The following BLCAP variants were observed in gnomAD, a reference collection of about 807,000 sequenced individuals.
BLCAP encodes the protein BLCAP apoptosis inducing factor, also known as apoptosis inducing factor BLCAP.
Under a neutral mutation model 5.7 loss-of-function variants are expected in BLCAP, and 1 was observed. The ratio of observed to expected loss-of-function variants is 0.18; its 90% CI spans 0.06 to 0.83. The LOEUF is 0.83. BLCAP is among the 40% of genes least tolerant of loss of function. The pLI, the probability that BLCAP is intolerant of heterozygous loss-of-function variation, is 0.71. For missense variants in BLCAP, 66 were observed against 107.6 expected (o/e 0.61, Z 1.71); for synonymous variants, 48 against 49.4 (o/e 0.97, Z 0.11).
Position 37,518,320 on chromosome 20 carries a change from G to T in BLCAP, c.*591C>A. The T allele has an allele frequency of 6.6e-6, 1 of 152,526 alleles. No individual in the cohort carries two copies. The allele number at this position is 152,526 out of a possible 1,614,324, so 9.4% of individuals were successfully genotyped here. ...AGATTTGTGGACAACTAACAGTCAAGACATGTTTCTGTCTAGCCTGCTGAA... is the reference window on the plus strand; with the variant it reads ...AGATTTGTGGACAACTAACAGTCAATACATGTTTCTGTCTAGCCTGCTGAA... On this transcript the variant is annotated 3_prime_UTR_variant, in exon 2 of 2. Coordinates refer to ENST00000373537, the MANE Select transcript of BLCAP (RefSeq NM_006698.4).
intron 1 of BLCAP, among the ~76,000 whole-genome samples, chr20:37,526,271 T>TCCCCCCCCCCCCCCCCCCCCCCCCCCCC (rs11477433): frequency 1.6e-5 from 2 of 125,184 alleles, no homozygotes; most frequent in Admixed American, 8.5e-5. Context: ...GCAGTTAACT[T>TCCCCCCCCCCCCCCCCCCCCCCCCCCCC]CCCCCCCCCA....
rs1418752830 is a variant in BLCAP at position 37,517,866 on chromosome 20, T to C, written c.*1045A>G. On this transcript the variant is annotated 3_prime_UTR_variant, in exon 2 of 2. Coordinates refer to ENST00000373537, the MANE Select transcript of BLCAP (RefSeq NM_006698.4). The stretch of plus-strand genomic sequence containing the variant: ...TGTGCTGGTCACTCTGCAATCCCCA[T>C]GCTAAATAAAAACTGTAGCGGCACC... The C allele has an allele frequency of 5.2e-5, 8 of 152,638 alleles. No homozygotes were observed. Among genetic ancestry groups the C allele is most frequent in the Non-Finnish European group, 8.8e-5 (6 of 68,052 alleles). 9.5% of individuals were successfully genotyped at this position (152,638 alleles called of 1,614,324 possible). A position where few individuals can be genotyped will look rare whatever the true frequency, so the allele number is the denominator to read the frequency against.
chr20:37,520,331 G>C (rs1051062892), intron 1 of BLCAP: 1 of 152,250 alleles, frequency 6.6e-6, no homozygotes, highest in Non-Finnish European at 1.5e-5. Flanking sequence ...TTGGAAACGG[G>C]GCTGCGGTAG....
rs1434492680 is a variant in BLCAP, at chr20:37,518,784, CAAAA to C, written c.*123_*126del. ...ATTGTAAGGATAAAACATCACAGGC[CAAAA>C]AGGCGCCGTCAGGAATGTGACACCC... On this transcript the variant is annotated 3_prime_UTR_variant, in exon 2 of 2. Transcript: ENST00000373537. The C allele has an allele frequency of 1.3e-4, 179 of 1,367,164 alleles. 1 individual carries two copies. In the Middle Eastern group the frequency reaches 1.5e-3, roughly 11 times the overall value. 84.7% of individuals were successfully genotyped at this position (1,367,164 alleles called of 1,614,324 possible). A position where few individuals can be genotyped will look rare whatever the true frequency, so the allele number is the denominator to read the frequency against.
In BLCAP at chr20:37,521,828, A is replaced by G. The variant is rs915975822; in HGVS notation, c.-176-2478T>C. On this transcript the variant is annotated intron_variant, in intron 1 of 1. Transcript: ENST00000373537. The surrounding 1 kb of genome is among the most constrained non-coding windows in gnomAD (Gnocchi z 4.5). ...TTGCGGAGAAATTTTATTTAAAAAA[A>G]CATATAGCGCTTGCGGGGGTGGAAC... 2 of 162,836 alleles carry G rather than the reference A, an allele frequency of 1.2e-5. No individual in the cohort carries two copies. The highest frequency in any genetic ancestry group is 2.4e-5 in the African/African-American group (1 of 41,874). The allele number at this position is 162,836 out of a possible 1,614,324, so 10.1% of individuals were successfully genotyped here.
chr20:37,522,669 G>T, intron 1 of BLCAP: 1 of 1,611,018 alleles, frequency 6.2e-7, no homozygotes, highest in South Asian at 1.1e-5. Flanking sequence ...CGTCGCAGGT[G>T]TTCAGGTACT....
Position 37,519,139 on chromosome 20 carries a change from G to T in BLCAP, c.36C>A (p.Leu12=). 6.2e-7 allele frequency: 1 copy of T among 1,602,642 alleles called. No individual in the cohort carries two copies. The highest frequency in any genetic ancestry group is 2.2e-5 in the East Asian group (1 of 44,486). Residue 12 remains leucine, a synonymous_variant, in exon 2 of 2, where the codon CTC becomes CTA. Coordinates refer to ENST00000373537, the MANE Select transcript of BLCAP (RefSeq NM_006698.4). ...YCLQWLLPVL[L]IPKPLNPALW... ...GGGCGGGGTTGAGGGGCTTGGGGATGAGGAGGACGGGCAGCAGCCACTGGA... is the reference window on the plus strand; with the variant it reads ...GGGCGGGGTTGAGGGGCTTGGGGATTAGGAGGACGGGCAGCAGCCACTGGA...
In BLCAP at chr20:37,521,281, G is replaced by A. The variant is rs771682980; in HGVS notation, c.-176-1931C>T. 6 of 1,576,650 alleles carry A rather than the reference G, an allele frequency of 3.8e-6. No individual in the cohort carries two copies. The South Asian group carries it at 6.6e-5, about 17-fold the overall frequency. On this transcript the variant is annotated intron_variant, in intron 1 of 1. Transcript: ENST00000373537. The surrounding 1 kb of genome is among the most constrained non-coding windows in gnomAD (Gnocchi z 4.5). ...CCCAACAGCGGACTCCGAGACCAGC[G>A]GATCTCGGCAAACCCTCTTTCTCGA... is the stretch of plus-strand genomic sequence containing the variant.
Position 37,519,020 on chromosome 20 carries a change from G to T in BLCAP, c.155C>A (p.Ala52Glu). Residue 52 changes from alanine (A) to glutamate (E), a missense_variant, in exon 2 of 2, where the codon GCA becomes GAA. Transcript: ENST00000373537. ...GCTATAGCAGATAAGGAACAGGGCT[G>T]CCAGGAAAACCAAGGCACAAATTGT... Reference protein sequence around the residue: ...PCTICALVFLAALFLICYSCW... With the variant: ...PCTICALVFLEALFLICYSCW... The T allele has an allele frequency of 6.2e-7, 1 of 1,614,212 alleles. No homozygotes were observed. Among genetic ancestry groups the T allele is most frequent in the Non-Finnish European group, 8.5e-7 (1 of 1,180,038 alleles).
intron 1 of BLCAP, among the ~76,000 whole-genome samples, chr20:37,525,119 C>T (rs1247761437): frequency 6.6e-6 from 1 of 152,206 alleles, no homozygotes; most frequent in Admixed American, 6.5e-5. Flanking sequence ...CACACCTCCT[C>T]CCTTCTGAAC....
At chr20:37,519,997 C>A (rs367727763) in intron 1 of BLCAP, among the ~76,000 whole-genome samples, 1 of 152,266 alleles carries the variant, frequency 6.6e-6, no homozygotes, top group Non-Finnish European at 1.5e-5. Context: ...AATCTGCCAA[C>A]TTCTCCGAAA....
In BLCAP at chr20:37,524,036, TG is replaced by T. The variant is rs1182179462; in HGVS notation, c.-177+3756del. 3.9e-5 allele frequency among the ~76,000 whole-genome samples: 6 copies of T among 152,054 alleles called. 1 individual carries two copies. Among genetic ancestry groups the T allele is most frequent in the African/African-American group, 1.4e-4 (6 of 41,394 alleles). On this transcript the variant is annotated intron_variant, in intron 1 of 1. Coordinates refer to ENST00000373537, the MANE Select transcript of BLCAP (RefSeq NM_006698.4). ...GAAAGATGAGAGGAGGGGAAAAAGGTGGGAGTAGCCCTCCAAAGAGGTACTA... is the reference window on the plus strand; with the variant it reads ...GAAAGATGAGAGGAGGGGAAAAAGGTGGAGTAGCCCTCCAAAGAGGTACTA...
rs73621695 is a variant in BLCAP at position 37,521,186 on chromosome 20, C to CA, written c.-176-1837dup. 1 of 780,288 alleles carries CA rather than the reference C, an allele frequency of 1.3e-6. No homozygotes were observed. The highest frequency in any genetic ancestry group is 1.7e-5 in the African/African-American group (1 of 58,468). 48.3% of individuals were successfully genotyped at this position (780,288 alleles called of 1,614,324 possible). A position where few individuals can be genotyped will look rare whatever the true frequency, so the allele number is the denominator to read the frequency against. ...GCCACCCCTCCTCATAAACACCCCC[C>CA]AAGGCGCGCATGCGCACTTAGGTGG... On this transcript the variant is annotated intron_variant, in intron 1 of 1. Transcript: ENST00000373537. The surrounding 1 kb of genome is among the most constrained non-coding windows in gnomAD (Gnocchi z 4.5).
rs866230599 is a variant in BLCAP, at chr20:37,521,186, C to A, written c.-176-1836G>T. On this transcript the variant is annotated intron_variant, in intron 1 of 1. Coordinates refer to ENST00000373537, the MANE Select transcript of BLCAP (RefSeq NM_006698.4). This position sits in a 1 kb window ranked among gnomAD's most constrained non-coding sequence, Gnocchi z 4.5. ...GCCACCCCTCCTCATAAACACCCCCCAAGGCGCGCATGCGCACTTAGGTGG... is the reference window on the plus strand; with the variant it reads ...GCCACCCCTCCTCATAAACACCCCCAAAGGCGCGCATGCGCACTTAGGTGG... 2 of 780,288 alleles carry A rather than the reference C, an allele frequency of 2.6e-6. No individual in the cohort carries two copies. Among genetic ancestry groups the A allele is most frequent in the Middle Eastern group, 2.7e-4 (1 of 3,652 alleles). 48.3% of individuals were successfully genotyped at this position (780,288 alleles called of 1,614,324 possible).
chr20:37,526,141 C>T (rs1401773723), intron 1 of BLCAP, among the ~76,000 whole-genome samples: 1 of 152,110 alleles, frequency 6.6e-6, no homozygotes, highest in South Asian at 2.1e-4. Flanking sequence ...GTTCCTTGAG[C>T]TTGGGCAACG....
chr20:37,521,230 G>A lies in BLCAP; in HGVS notation c.-176-1880C>T. The A allele has an allele frequency of 8.0e-7, 1 of 1,245,868 alleles. No homozygotes were observed. Among genetic ancestry groups the A allele is most frequent in the Non-Finnish European group, 1.2e-6 (1 of 851,940 alleles). The allele number at this position is 1,245,868 out of a possible 1,614,324, so 77.2% of individuals were successfully genotyped here. On this transcript the variant is annotated intron_variant, in intron 1 of 1. Coordinates refer to ENST00000373537, the MANE Select transcript of BLCAP (RefSeq NM_006698.4). The surrounding 1 kb of genome is among the most constrained non-coding windows in gnomAD (Gnocchi z 4.5). ...TAGGTGGCGGGCGGGTACTTAAGGC[G>A]CGGCCACCGCGGCTGCGGCAGTGCG...
intron 1 of BLCAP, chr20:37,522,724 G>A (rs368840293): frequency 6.2e-7 from 1 of 1,611,360 alleles, no homozygotes; most frequent in Admixed American, 1.7e-5. Context: ...CGGGCGGCAG[G>A]TGTTGGGGGA....
chr20:37,524,749 T>G (rs1450449589), intron 1 of BLCAP, among the ~76,000 whole-genome samples: 2 of 152,146 alleles, frequency 1.3e-5, no homozygotes, highest in African/African-American at 4.8e-5. Context: ...CTTAGCCCAA[T>G]CACCAGCACC....
At position 37,521,385 on chromosome 20, in the gene BLCAP, C is replaced by A. The variant is rs1469619266; in HGVS notation, c.-176-2035G>T. The A allele has an allele frequency of 1.9e-6, 3 of 1,614,002 alleles. No individual in the cohort carries two copies. The highest frequency in any genetic ancestry group is 2.5e-6 in the Non-Finnish European group (3 of 1,179,978). ...AACTGCTCATCATCGGCTGGTACATCTTCCGCGTGCTGCTGCAGGTAAGTC... is the reference window on the plus strand; with the variant it reads ...AACTGCTCATCATCGGCTGGTACATATTCCGCGTGCTGCTGCAGGTAAGTC... On this transcript the variant is annotated intron_variant, in intron 1 of 1. Transcript: ENST00000373537. The surrounding 1 kb of genome is among the most constrained non-coding windows in gnomAD (Gnocchi z 4.5).
Sources: allele counts gnomAD v4.1 joint callset (sites outside exome capture counted in the v4.1 genomes callset), GRCh38; gene constraint gnomAD v4.1.1; non-coding constraint Gnocchi (gnomAD v3.1); transcripts MANE v1.5; gene names NCBI Gene and HGNC (gene_info 2026-07-23, HGNC 2026-07-21).